The following ARB2A variants were observed in gnomAD, a reference collection of about 807,000 sequenced individuals.
ARB2A encodes ARB2 cotranscriptional regulator A, also known as cotranscriptional regulator ARB2A.
the ARB2A span, among the ~76,000 whole-genome samples, chr5:94,098,630 T>C: frequency 6.6e-6 from 1 of 151,784 alleles, no homozygotes; most frequent in African/African-American, 2.4e-5. Context: ...ATAACAAAAA[T>C]TAGAGCTGAA....
chr5:93,740,529 C>T, the ARB2A span: 1 of 1,527,348 alleles, frequency 6.5e-7, no homozygotes, highest in Non-Finnish European at 8.8e-7. Flanking sequence ...TGGGTTTTCC[C>T]TTCTTCTCCC....
the ARB2A span, among the ~76,000 whole-genome samples, chr5:93,817,186 CTCTA>C: frequency 7.2e-5 from 11 of 152,080 alleles, no homozygotes; most frequent in South Asian, 4.1e-4. Flanking sequence ...TAAATCATGT[CTCTA>C]TCTACTAGTA....
At chr5:93,821,931 G>T in the ARB2A span, among the ~76,000 whole-genome samples, 1 of 151,234 alleles carries the variant, frequency 6.6e-6, no homozygotes, top group Non-Finnish European at 1.5e-5. Flanking sequence ...ACGAAGATGA[G>T]ATAATTGCCA....
the ARB2A span, among the ~76,000 whole-genome samples, chr5:93,855,381 C>T: frequency 1.3e-5 from 2 of 152,124 alleles, no homozygotes; most frequent in Admixed American, 1.3e-4. Context: ...TTCCTGAATA[C>T]AGCACACTGA....
the ARB2A span, among the ~76,000 whole-genome samples, chr5:93,868,225 G>A: frequency 6.6e-6 from 1 of 152,138 alleles, no homozygotes; most frequent in African/African-American, 2.4e-5. Flanking sequence ...GGAGGCTGAG[G>A]TGGGAGCACC....
chr5:94,089,580 T>C, the ARB2A span, among the ~76,000 whole-genome samples: 5 of 141,396 alleles, frequency 3.5e-5, no homozygotes, highest in African/African-American at 1.3e-4. Flanking sequence ...TAACTATTGG[T>C]TTAAAACCGT....
the ARB2A span, among the ~76,000 whole-genome samples, chr5:93,944,566 ACT>A: frequency 6.6e-6 from 1 of 150,904 alleles, no homozygotes; most frequent in East Asian, 2.0e-4. Flanking sequence ...CCTGGGTGAC[ACT>A]CTGCCTCATG....
the ARB2A span, among the ~76,000 whole-genome samples, chr5:93,860,034 C>T: frequency 6.6e-6 from 1 of 152,196 alleles, no homozygotes; most frequent in Non-Finnish European, 1.5e-5. Flanking sequence ...GTGGCTCACA[C>T]CTATAATCCC....
chr5:93,670,527 A>G, the ARB2A span, among the ~76,000 whole-genome samples: 1 of 152,238 alleles, frequency 6.6e-6, no homozygotes, highest in Non-Finnish European at 1.5e-5. Flanking sequence ...TATATTCAGC[A>G]TAACTCAGGG....
the ARB2A span, among the ~76,000 whole-genome samples, chr5:93,920,681 C>T: frequency 6.6e-6 from 1 of 152,220 alleles, no homozygotes; most frequent in Non-Finnish European, 1.5e-5. Context: ...CAAGCACTTA[C>T]ACACCATACA....
At chr5:94,077,201 C>T in the ARB2A span, among the ~76,000 whole-genome samples, 1 of 151,762 alleles carries the variant, frequency 6.6e-6, no homozygotes, top group Non-Finnish European at 1.5e-5. Context: ...GGTGAAACCC[C>T]GTTTCTACTA....
the ARB2A span, among the ~76,000 whole-genome samples, chr5:93,910,402 G>T: frequency 6.6e-6 from 1 of 150,974 alleles, no homozygotes; most frequent in South Asian, 2.1e-4. Flanking sequence ...TCCTTTTACA[G>T]TATGATTCTA....
the ARB2A span, among the ~76,000 whole-genome samples, chr5:93,900,622 A>G: frequency 1.3e-5 from 2 of 151,942 alleles, no homozygotes; most frequent in Non-Finnish European, 2.9e-5. Flanking sequence ...TCAAAAAAAA[A>G]AAAAAAAAAA....
chr5:93,973,360 C>A, the ARB2A span, among the ~76,000 whole-genome samples: 5 of 151,182 alleles, frequency 3.3e-5, no homozygotes, highest in Admixed American at 3.3e-4. Context: ...TCAACCCAGA[C>A]AAAAATAAAG....
At chr5:94,070,086 C>T in the ARB2A span, among the ~76,000 whole-genome samples, 1 of 150,422 alleles carries the variant, frequency 6.6e-6, no homozygotes, top group Non-Finnish European at 1.5e-5. Context: ...ATAATATACA[C>T]AATGGAATAC....
chr5:93,621,662 G>A, the ARB2A span, among the ~76,000 whole-genome samples: 3 of 152,234 alleles, frequency 2.0e-5, no homozygotes, highest in Non-Finnish European at 4.4e-5. Context: ...CAAGGGGGTG[G>A]TGTGGAGGGG....
chr5:93,856,537 T>C, the ARB2A span, among the ~76,000 whole-genome samples: 1 of 152,216 alleles, frequency 6.6e-6, no homozygotes, highest in Non-Finnish European at 1.5e-5. Flanking sequence ...TCATTTCATC[T>C]TCCATCACTG....
At chr5:94,064,039 A>G in the ARB2A span, among the ~76,000 whole-genome samples, 2 of 152,152 alleles carry the variant, frequency 1.3e-5, no homozygotes, top group African/African-American at 2.4e-5. Flanking sequence ...AAGAATTTAA[A>G]ATTATTTTAA....
the ARB2A span, among the ~76,000 whole-genome samples, chr5:94,024,222 T>C: frequency 6.6e-6 from 1 of 152,262 alleles, no homozygotes; most frequent in South Asian, 2.1e-4. Context: ...TTGGTGTTTT[T>C]TTGAGTCAAG....
Sources: allele counts gnomAD v4.1 joint callset (sites outside exome capture counted in the v4.1 genomes callset), GRCh38; gene constraint gnomAD v4.1.1; transcripts MANE v1.5; gene names NCBI Gene and HGNC (gene_info 2026-07-23, HGNC 2026-07-21).